The following USP36 variants were observed in gnomAD, a reference collection of about 807,000 sequenced individuals.
USP36 encodes ubiquitin specific peptidase 36, also known as ubiquitin carboxyl-terminal hydrolase 36.
USP36 carries 59 observed loss-of-function variants against 111.5 expected under a neutral mutation model. The ratio of observed to expected loss-of-function variants is 0.53; its 90% CI spans 0.43 to 0.66. The LOEUF (loss-of-function observed/expected upper bound fraction) is 0.66, where lower values mean the gene tolerates loss of function less well. Ranked by LOEUF, USP36 falls within the 30% of genes least tolerant of loss-of-function variation. The probability of loss-of-function intolerance (pLI) is 0.00; values close to 1 mark genes in which losing one functional copy is unlikely to be tolerated. For synonymous variants in USP36, 628 were observed against 581.0 expected (o/e 1.08, Z -1.16); for missense variants, 1,488 against 1,468.0 (o/e 1.01, Z -0.22).
chr17:78,802,687 T>A, intron 16 of USP36, 152 bp from the exon 17 acceptor site: 1 of 745,270 alleles, frequency 1.3e-6, no homozygotes, highest in Non-Finnish European at 2.1e-6. Context: ...CCACACGCAT[T>A]AGCGGACGCT....
At chr17:78,821,611 G>A (rs1567953296) in intron 7 of USP36, among the ~76,000 whole-genome samples, 1 of 151,118 alleles carries the variant, frequency 6.6e-6, no homozygotes, top group Non-Finnish European at 1.5e-5. Flanking sequence ...TATTTTTAGT[G>A]GAGACGGGGT....
Position 78,806,945 on chromosome 17 carries a change from C to A in USP36, c.2085+14G>T. 1.2e-6 allele frequency: 2 copies of A among 1,612,724 alleles called. No homozygotes were observed. Among genetic ancestry groups the A allele is most frequent in the Non-Finnish European group, 8.5e-7 (1 of 1,179,064 alleles). ...TCCTGATACACAGCAGCGGCGAGAC[C>A]CCCACACACCCACCTTCTTGGCAGA... On this transcript the variant is annotated intron_variant, in intron 14 of 20. Coordinates refer to ENST00000449938, the MANE Select transcript of USP36 (RefSeq NM_001385174.1).
chr17:78,835,011 A>ATATG (rs1269075317), intron 4 of USP36, among the ~76,000 whole-genome samples: 1 of 150,014 alleles, frequency 6.7e-6, no homozygotes, highest in African/African-American at 2.5e-5. Flanking sequence ...ATATATATAT[A>ATATG]TATATATTTT....
downstream of USP36, among the ~76,000 whole-genome samples, chr17:78,794,375 T>C (rs1053662516): frequency 2.0e-5 from 3 of 152,200 alleles, no homozygotes; most frequent in African/African-American, 7.2e-5. Flanking sequence ...GACTTACAGT[T>C]AGCCAGCTGA....
intron 10 of USP36, among the ~76,000 whole-genome samples, chr17:78,815,503 G>A (rs2094157267): frequency 6.6e-6 from 1 of 152,098 alleles, no homozygotes; most frequent in Non-Finnish European, 1.5e-5. Flanking sequence ...ACGATCAAAT[G>A]AGAAGGGTCA....
Position 78,821,954 on chromosome 17 carries a change from C to A in USP36, c.740G>T (p.Gly247Val). The stretch of plus-strand genomic sequence containing the variant: ...CCACTTACCGCGTGATCTGAGATAC[C>A]CTCCAAAAATTTGATGGACCAAGGT... The part of the protein sequence containing the change: ...ATTLVHQIFG[G>V]YLRSRVKCSV... The change falls in exon 7 of 21, where the codon GGG becomes GTG. Residue 247 changes from glycine to valine, a missense_variant. By Grantham distance (109) the Gly-to-Val change is moderately radical (BLOSUM62 -3). This residue lies in a region of USP36 where 196 missense variants were observed against 264.4 expected (regional missense o/e 0.74). Transcript: ENST00000449938. 6.2e-7 allele frequency: 1 copy of A among 1,614,106 alleles called. No individual in the cohort carries two copies. The highest frequency in any genetic ancestry group is 8.5e-7 in the Non-Finnish European group (1 of 1,180,008).
chr17:78,802,302 C>T (rs750931172), intron 17 of USP36, 22 bp downstream of exon 17: 2 of 1,547,948 alleles, frequency 1.3e-6, no homozygotes, highest in Admixed American at 3.9e-5. Context: ...ATGCGGTTCC[C>T]ACCCCCTCGC....
chr17:78,798,819 C>T lies in USP36; in HGVS notation c.3240+89G>A. The T allele has an allele frequency of 6.7e-7, 1 of 1,490,500 alleles. No homozygotes were observed. Among genetic ancestry groups the T allele is most frequent in the Non-Finnish European group, 9.3e-7 (1 of 1,079,232 alleles). 92.3% of individuals were successfully genotyped at this position (1,490,500 alleles called of 1,614,324 possible). On this transcript the variant is annotated intron_variant, in intron 19 of 20. Coordinates refer to ENST00000449938, the MANE Select transcript of USP36 (RefSeq NM_001385174.1). The surrounding 1 kb of genome is among the most constrained non-coding windows in gnomAD (Gnocchi z 5.1). The stretch of plus-strand genomic sequence containing the variant: ...TCTTCTCATGCTCGGCCGCTTCATG[C>T]CACTGCCGCCACCTCCAACTGCCCC...
chr17:78,818,637 G>T (rs757626090), intron 10 of USP36, 30 bp downstream of exon 10: 25 of 1,600,878 alleles, frequency 1.6e-5, no homozygotes, highest in Non-Finnish European at 2.1e-5. Context: ...GGCCCACGGA[G>T]CTGCCTGGGA....
chr17:78,839,775 G>A (rs1303464145), intron 1 of USP36, among the ~76,000 whole-genome samples: 1 of 152,176 alleles, frequency 6.6e-6, no homozygotes, highest in Non-Finnish European at 1.5e-5. Context: ...AGGAGCCCGA[G>A]ACAAGTGTTC....
intron 6 of USP36, among the ~76,000 whole-genome samples, chr17:78,825,895 T>G (rs2067494813): frequency 6.6e-6 from 1 of 152,160 alleles, no homozygotes. Context: ...GGAAGCCGCC[T>G]CTGGGTGAGG....
rs751864035 is a variant in USP36, at chr17:78,798,396, C to T, written c.*20+4G>A. On this transcript the variant is annotated splice_donor_region_variant and intron_variant, in intron 20 of 20. Coordinates refer to ENST00000449938, the MANE Select transcript of USP36 (RefSeq NM_001385174.1). This position sits in a 1 kb window ranked among gnomAD's most constrained non-coding sequence, Gnocchi z 5.1. Reference sequence around the variant, plus strand: ...ACCCTTACACCCACCCCCTCGGAACCGACCTCCTTCCACAGGGGCACAGTC... The same window carrying T: ...ACCCTTACACCCACCCCCTCGGAACTGACCTCCTTCCACAGGGGCACAGTC... The T allele has an allele frequency of 4.4e-5, 71 of 1,613,872 alleles. 1 individual carries two copies. In the South Asian group the frequency reaches 7.2e-4, roughly 16 times the overall value.
rs199873425 is a variant in USP36, at chr17:78,818,749, C to T, written c.941G>A (p.Arg314His). 7.6e-5 allele frequency: 122 copies of T among 1,613,942 alleles called. No homozygotes were observed. The East Asian group carries it at 2.3e-3, about 30-fold the overall frequency. ...KCKKKVPASK[R>H]FTIHRTSNVL... The stretch of plus-strand genomic sequence containing the variant: ...GTTGGATGTTCTGTGGATGGTGAAG[C>T]GCTTGCTGGCTGGAACCTTCTTCTT... The change falls in exon 10 of 21, where the codon CGC (arginine) becomes CAC (histidine). Residue 314 changes from arginine to histidine, a missense_variant. By Grantham distance (29) the Arg-to-His change is conservative. Around this residue, in one of 3 missense-constraint regions of USP36, gnomAD observed 196 missense variants for 264.4 expected, o/e 0.74. Transcript: ENST00000449938.
At chr17:78,815,062 G>A (rs113993737) in intron 10 of USP36, among the ~76,000 whole-genome samples, 1,771 of 147,376 alleles carry the variant, frequency 0.012, 32 homozygotes, top group African/African-American at 0.042. Context: ...GGCCAGGTGC[G>A]GTGGCTCACG....
intron 3 of USP36, among the ~76,000 whole-genome samples, chr17:78,788,134 G>A (rs539704028): frequency 6.6e-6 from 1 of 151,964 alleles, no homozygotes; most frequent in South Asian, 2.1e-4. Context: ...TGCAAGTTGT[G>A]TTTAAAATTG....
At chr17:78,789,478 G>A (rs1266471062) in intron 3 of USP36, among the ~76,000 whole-genome samples, 2 of 152,188 alleles carry the variant, frequency 1.3e-5, no homozygotes, top group African/African-American at 4.8e-5. Flanking sequence ...TCCTGGACTT[G>A]CTAATTTTGC....
chr17:78,814,203 C>A (rs1223627710), intron 11 of USP36, among the ~76,000 whole-genome samples: 1 of 152,184 alleles, frequency 6.6e-6, no homozygotes, highest in African/African-American at 2.4e-5. Context: ...CCGTGTCTCC[C>A]TGCAAGTCTG....
chr17:78,801,708 G>GA (rs1224338950), intron 17 of USP36, among the ~76,000 whole-genome samples: 1 of 149,962 alleles, frequency 6.7e-6, no homozygotes, highest in African/African-American at 2.5e-5. Context: ...AGAGGGAGAG[G>GA]AGGATTCACT....
rs1441192412 is a variant in USP36, at chr17:78,813,877, A to G, written c.1165-4T>C. The G allele has an allele frequency of 6.2e-7, 1 of 1,613,558 alleles. No homozygotes were observed. Among genetic ancestry groups the G allele is most frequent in the Non-Finnish European group, 8.5e-7 (1 of 1,179,750 alleles). On this transcript the variant is annotated splice_polypyrimidine_tract_variant and splice_region_variant and intron_variant, in intron 11 of 20. Coordinates refer to ENST00000449938, the MANE Select transcript of USP36 (RefSeq NM_001385174.1). ...GGTACCACTGTCCATTGCTTGCCTGAAGCAGCCAAGGATGTTGCAGAAAAC... is the reference window on the plus strand; with the variant it reads ...GGTACCACTGTCCATTGCTTGCCTGGAGCAGCCAAGGATGTTGCAGAAAAC...
Sources: gnomAD v4.1 joint callset for allele counts (sites outside exome capture counted in the v4.1 genomes callset) on GRCh38, gnomAD v4.1.1 for gene constraint, gnomAD v4.1.1 regional missense constraint, Gnocchi (gnomAD v3.1) non-coding constraint, MANE v1.5 for transcripts, NCBI Gene and HGNC (gene_info 2026-07-23, HGNC 2026-07-21) for gene names.